TRHDE: variants seen among roughly 807,000 people sequenced by gnomAD.
The protein encoded by TRHDE is thyrotropin-releasing hormone-degrading ectoenzyme.
TRHDE carries 72 observed loss-of-function variants against 125.7 expected under a neutral mutation model. The observed-to-expected ratio is 0.57, with a 90% CI of 0.47 to 0.70. The LOEUF (loss-of-function observed/expected upper bound fraction) is 0.70, where lower values mean the gene tolerates loss of function less well. TRHDE is among the 30% of genes least tolerant of loss of function. The pLI is 0.00. For synonymous variants in TRHDE, 509 were observed against 509.1 expected (o/e 1.00, Z 0.00); for missense variants, 1,110 against 1,327.1 (o/e 0.84, Z 2.54).
intron 3 of TRHDE, among the ~76,000 whole-genome samples, chr12:72,389,623 C>T (rs1438774878): frequency 6.6e-6 from 1 of 152,172 alleles, no homozygotes; most frequent in Non-Finnish European, 1.5e-5. Context: ...TGAGCAAGTT[C>T]TCAGGTGTAT....
intron 15 of TRHDE, among the ~76,000 whole-genome samples, chr12:72,622,704 T>C (rs1230713100): frequency 6.6e-6 from 1 of 152,086 alleles, no homozygotes; most frequent in Admixed American, 6.6e-5. Flanking sequence ...TAGGAATGAA[T>C]TGGTATTTGT....
chr12:72,578,229 G>A (rs1055470195), intron 12 of TRHDE, among the ~76,000 whole-genome samples: 2 of 152,084 alleles, frequency 1.3e-5, no homozygotes, highest in African/African-American at 2.4e-5. Flanking sequence ...CAGTGGAGTG[G>A]GTGTGGTTAC....
At chr12:72,481,303 G>A (rs1877159317) in intron 5 of TRHDE, among the ~76,000 whole-genome samples, 1 of 145,622 alleles carries the variant, frequency 6.9e-6, no homozygotes, top group Non-Finnish European at 1.5e-5. Flanking sequence ...AATGAAAGTA[G>A]TGAGTTCAAG....
chr12:72,362,348 G>A (rs1871135894), intron 2 of TRHDE, among the ~76,000 whole-genome samples: 1 of 149,734 alleles, frequency 6.7e-6, no homozygotes, highest in African/African-American at 2.4e-5. Context: ...TTTTTTGGCT[G>A]CATAAATGTC....
intron 6 of TRHDE, among the ~76,000 whole-genome samples, chr12:72,536,006 C>G (rs1013933958): frequency 6.6e-6 from 1 of 152,114 alleles, no homozygotes; most frequent in East Asian, 1.9e-4. Context: ...AGCACCTAAT[C>G]CCTTCACCTC....
Position 72,469,779 on chromosome 12 carries a change from A to T in TRHDE, c.1337A>T (p.His446Leu), listed in dbSNP as rs749080266. The T allele has an allele frequency of 6.2e-7, 1 of 1,614,060 alleles. No homozygotes were observed. Among genetic ancestry groups the T allele is most frequent in the Non-Finnish European group, 8.5e-7 (1 of 1,179,956 alleles). ...CTAGATCTTTTAGCTGTGCCTAAGCATCCGTATGCTGCTATGGAGAACTGG... is the reference window on the plus strand; with the variant it reads ...CTAGATCTTTTAGCTGTGCCTAAGCTTCCGTATGCTGCTATGGAGAACTGG... ...PKLDLLAVPK[H>L]PYAAMENWGL... Residue 446 changes from histidine to leucine, a missense_variant, in exon 4 of 19, where the codon CAT (histidine) becomes CTT (leucine). His to Leu is a moderately conservative substitution (Grantham distance 99). Transcript: ENST00000261180.
At chr12:72,113,136 G>A (rs1229569244) in intron 2 of TRHDE, among the ~76,000 whole-genome samples, 1 of 152,076 alleles carries the variant, frequency 6.6e-6, no homozygotes, top group Non-Finnish European at 1.5e-5. Flanking sequence ...TCCCACCTCA[G>A]CCTCCCTAGT....
chr12:72,143,669 T>C (rs867496611), intron 2 of TRHDE, among the ~76,000 whole-genome samples: 23 of 152,238 alleles, frequency 1.5e-4, no homozygotes, highest in Middle Eastern at 3.4e-3. Flanking sequence ...TTTATAGGGC[T>C]AGAGTATTGT....
At chr12:72,312,259 C>A (rs1426472489) in intron 2 of TRHDE, among the ~76,000 whole-genome samples, 1 of 152,114 alleles carries the variant, frequency 6.6e-6, no homozygotes, top group Non-Finnish European at 1.5e-5. Context: ...CAGTGTCGTC[C>A]CTTATGCTCT....
chr12:72,609,442 C>G (rs1872560435), intron 12 of TRHDE, among the ~76,000 whole-genome samples: 1 of 152,046 alleles, frequency 6.6e-6, no homozygotes, highest in African/African-American at 2.4e-5. Context: ...ATTTCCTGCT[C>G]TTTTCTTTCT....
chr12:72,116,693 C>A (rs924063406), intron 2 of TRHDE, among the ~76,000 whole-genome samples: 6 of 152,082 alleles, frequency 3.9e-5, no homozygotes, highest in Non-Finnish European at 7.4e-5. Flanking sequence ...CTTTCGGCCA[C>A]TTTTTGATGG....
intron 2 of TRHDE, chr12:72,263,974 A>G (rs1378250591): frequency 2.0e-5 from 3 of 152,000 alleles, no homozygotes; most frequent in Non-Finnish European, 4.4e-5. Context: ...TACACATTCA[A>G]AGTGACCAGA....
chr12:72,403,992 A>G (rs1014128137), intron 3 of TRHDE, among the ~76,000 whole-genome samples: 2 of 152,180 alleles, frequency 1.3e-5, no homozygotes. Context: ...TTACAAGTAA[A>G]CAGAATGCAC....
rs889599026 is a variant in TRHDE at position 72,557,041 on chromosome 12, A to G, written c.1789-5124A>G. 5.5e-4 allele frequency among the ~76,000 whole-genome samples: 83 copies of G among 152,266 alleles called. 1 individual carries two copies. Among genetic ancestry groups the G allele is most frequent in the African/African-American group, 1.8e-3 (73 of 41,558 alleles). ...TTTTCTTTTAAGTTCTCACCCTGTT[A>G]TAAACAGCCATATTCTTTAGAGGAC... is the stretch of plus-strand genomic sequence containing the variant. On this transcript the variant is annotated intron_variant, in intron 7 of 18. Coordinates refer to ENST00000261180, the MANE Select transcript of TRHDE (RefSeq NM_013381.3).
chr12:72,212,254 A>G (rs1877797640), intron 2 of TRHDE, among the ~76,000 whole-genome samples: 1 of 152,128 alleles, frequency 6.6e-6, no homozygotes, highest in Non-Finnish European at 1.5e-5. Flanking sequence ...TTGAACCCAA[A>G]TGTAAGAAGA....
intron 3 of TRHDE, among the ~76,000 whole-genome samples, chr12:72,451,825 TG>T (rs1363806580): frequency 6.6e-6 from 1 of 152,116 alleles, no homozygotes; most frequent in Non-Finnish European, 1.5e-5. Flanking sequence ...TCTTTCTTTT[TG>T]TTTGTTTTGT....
At position 72,206,861 on chromosome 12, in the gene TRHDE, AATAT is replaced by A. The variant is rs200872281; in HGVS notation, n.279+101115_279+101118del. 1.1e-3 allele frequency among the ~76,000 whole-genome samples: 164 copies of A among 151,950 alleles called. 3 individuals carry two copies. The East Asian group carries it at 0.03, about 28-fold the overall frequency. On this transcript the variant is annotated intron_variant and non_coding_transcript_variant, in intron 2 of 4. Coordinates refer to the TRHDE transcript ENST00000548156. ...TATAATATGTTTATCTACATATAATAATATATATAGGAGAAAGTATTTTGCATAT... is the reference window on the plus strand; with the variant it reads ...TATAATATGTTTATCTACATATAATAATATAGGAGAAAGTATTTTGCATAT...
chr12:72,185,048 T>G (rs1877173573), intron 2 of TRHDE, among the ~76,000 whole-genome samples: 1 of 152,124 alleles, frequency 6.6e-6, no homozygotes, highest in African/African-American at 2.4e-5. Flanking sequence ...AGGGAGAGGC[T>G]TGAGCGGGAA....
intron 5 of TRHDE, among the ~76,000 whole-genome samples, chr12:72,483,054 A>G (rs1877245029): frequency 6.6e-6 from 1 of 151,916 alleles, no homozygotes; most frequent in South Asian, 2.1e-4. Flanking sequence ...TCACTGACCA[A>G]ATATTTACAA....
Sources: allele counts gnomAD v4.1 joint callset (sites outside exome capture counted in the v4.1 genomes callset), GRCh38; gene constraint gnomAD v4.1.1; transcripts MANE v1.5; gene names NCBI Gene and HGNC (gene_info 2026-07-23, HGNC 2026-07-21).